ATCAY: variants seen among roughly 807,000 people sequenced by gnomAD.
ATCAY encodes ATCAY kinesin light chain interacting caytaxin.
Under a neutral mutation model 47.7 loss-of-function variants are expected in ATCAY, and 22 were observed. The observed-to-expected ratio is 0.46, with a 90% CI of 0.33 to 0.66. The LOEUF (loss-of-function observed/expected upper bound fraction) is 0.66, where lower values mean the gene tolerates loss of function less well. Ranked by LOEUF, ATCAY falls within the 30% of genes least tolerant of loss-of-function variation. The pLI, the probability that ATCAY is intolerant of heterozygous loss-of-function variation, is 0.02. For synonymous variants in ATCAY, 216 were observed against 207.6 expected, an observed-to-expected ratio of 1.04 and a Z score of -0.35; for missense variants, 452 against 515.0, an observed-to-expected ratio of 0.88 and a Z score of 1.18.
chr19:3,919,730 G>T (rs2038999876), intron 11 of ATCAY, among the ~76,000 whole-genome samples: 1 of 150,294 alleles, frequency 6.7e-6, no homozygotes, highest in African/African-American at 2.5e-5. Context: ...CTCCAGCCTG[G>T]GCAACAGAGC....
In ATCAY at chr19:3,908,398, T is replaced by G. The variant is rs972564537; in HGVS notation, c.647+28T>G. ...GAGTCCCCGCCCGCGGCGAGCAGCC[T>G]CGGGCCAGCTCTGATGCCTCCCTGG... On this transcript the variant is annotated intron_variant, in intron 6 of 12. Transcript: ENST00000450849. 3 of 1,535,578 alleles carry G rather than the reference T, an allele frequency of 2.0e-6. No individual in the cohort carries two copies. The Admixed American group carries it at 5.8e-5, about 30-fold the overall frequency.
At chr19:3,893,998 C>G (rs1225214444) in intron 2 of ATCAY, among the ~76,000 whole-genome samples, 2 of 152,126 alleles carry the variant, frequency 1.3e-5, no homozygotes, top group Non-Finnish European at 2.9e-5. Context: ...TGCCTTCCAT[C>G]TGGAGTGCTC....
At chr19:3,910,324 A>T (rs1189951095) in intron 7 of ATCAY, among the ~76,000 whole-genome samples, 1 of 152,140 alleles carries the variant, frequency 6.6e-6, no homozygotes, top group Non-Finnish European at 1.5e-5. Context: ...CTGTATGGAC[A>T]TACCACATTT....
intron 2 of ATCAY, among the ~76,000 whole-genome samples, chr19:3,894,975 G>A (rs1160017589): frequency 2.9e-5 from 4 of 136,720 alleles, no homozygotes; most frequent in African/African-American, 1.1e-4. Context: ...AAAAAAAGCT[G>A]CCTCCTCAAT....
Position 3,893,109 on chromosome 19 carries a change from AT to A in ATCAY, c.77+7266del, listed in dbSNP as rs200696322. On this transcript the variant is annotated intron_variant, in intron 2 of 12. Coordinates refer to ENST00000450849, the MANE Select transcript of ATCAY (RefSeq NM_033064.5). ...AACTTATCTCTTTTAGGGGAACACG[AT>A]CCAACCCACCTCAGCAGGACGAAGC... is the stretch of plus-strand genomic sequence containing the variant. 3.0e-3 allele frequency among the ~76,000 whole-genome samples: 446 copies of A among 150,940 alleles called. 5 individuals carry two copies. Among genetic ancestry groups the A allele is most frequent in the African/African-American group, 0.01 (413 of 40,998 alleles).
At chr19:3,906,340 T>C (rs2038860962) in intron 4 of ATCAY, among the ~76,000 whole-genome samples, 1 of 149,762 alleles carries the variant, frequency 6.7e-6, no homozygotes, top group Non-Finnish European at 1.5e-5. Context: ...TCTCACTCTG[T>C]TGCCCAGGCT....
In ATCAY at chr19:3,925,670, G is replaced by C. The variant is rs1199649063; in HGVS notation, c.*1078G>C. 6.6e-6 allele frequency: 1 copy of C among 152,216 alleles called. No homozygotes were observed. The highest frequency in any genetic ancestry group is 2.4e-5 in the African/African-American group (1 of 41,446). 9.4% of individuals were successfully genotyped at this position (152,216 alleles called of 1,614,324 possible). A position where few individuals can be genotyped will look rare whatever the true frequency, so the allele number is the denominator to read the frequency against. ...TGGTCCAAATGCGGATCACTGGTCA[G>C]ATGGACTCTAGAAGCACTGAGCTCC... On this transcript the variant is annotated 3_prime_UTR_variant, in exon 13 of 13. Transcript: ENST00000450849. This position sits in a 1 kb window ranked among gnomAD's most constrained non-coding sequence, Gnocchi z 4.4.
At chr19:3,917,515 G>C (rs1342286013) in intron 9 of ATCAY, among the ~76,000 whole-genome samples, 1 of 147,948 alleles carries the variant, frequency 6.8e-6, no homozygotes, top group Non-Finnish European at 1.5e-5. Flanking sequence ...AACCGGGGAG[G>C]TGGAGGTTGC....
rs750121820 is a variant in ATCAY, at chr19:3,909,480, G to C, written c.648-6G>C. 6 of 1,612,266 alleles carry C rather than the reference G, an allele frequency of 3.7e-6. No individual in the cohort carries two copies. The Admixed American group carries it at 8.3e-5, about 22-fold the overall frequency. On this transcript the variant is annotated splice_region_variant and splice_polypyrimidine_tract_variant and intron_variant, in intron 6 of 12. Transcript: ENST00000450849. Reference sequence around the variant, plus strand: ...TGGGTCCCTGCCTTCTGTGCCCCGTGAGCAGGTACGTCATCAGCAGCTTAG... The same window carrying C: ...TGGGTCCCTGCCTTCTGTGCCCCGTCAGCAGGTACGTCATCAGCAGCTTAG...
intron 3 of ATCAY, among the ~76,000 whole-genome samples, chr19:3,903,354 G>A (rs1286119935): frequency 1.3e-5 from 2 of 152,086 alleles, no homozygotes; most frequent in Middle Eastern, 3.2e-3. Flanking sequence ...AGTCCTGGGC[G>A]GCCAGAGGAG....
At chr19:3,905,944 G>A (rs34328206) in intron 4 of ATCAY, among the ~76,000 whole-genome samples, 14,096 of 151,914 alleles carry the variant, frequency 0.093, 754 homozygotes, top group Non-Finnish European at 0.1. Context: ...AGGCCGAGGC[G>A]GGCAGATCAC....
chr19:3,889,337 C>T lies in ATCAY; in HGVS notation c.77+3493C>T, dbSNP rs371871705. Among the ~76,000 whole-genome samples the T allele has an allele frequency of 1.5e-4, 23 of 152,236 alleles. No homozygotes were observed. The East Asian group carries it at 3.1e-3, about 20-fold the overall frequency. On this transcript the variant is annotated intron_variant, in intron 2 of 12. Transcript: ENST00000450849. ...CTGAGGAAGGAGAATCGCTTGAACG[C>T]GGGAGGCGGAGGTTGCAGTGAGCCA...
intron 2 of ATCAY, among the ~76,000 whole-genome samples, chr19:3,899,898 G>T (rs544437613): frequency 1.3e-5 from 2 of 152,074 alleles, no homozygotes; most frequent in Non-Finnish European, 2.9e-5. Flanking sequence ...GGCCGGGTGC[G>T]GTGGCTCATG....
In ATCAY at chr19:3,908,208, G is replaced by A. The variant is rs955790677; in HGVS notation, c.545-60G>A. ...CACCGGGACGTGGTGGGTGGTGCGCGGGAGGCAGCTCAGGGCTGGGAGAGG... is the reference window on the plus strand; with the variant it reads ...CACCGGGACGTGGTGGGTGGTGCGCAGGAGGCAGCTCAGGGCTGGGAGAGG... On this transcript the variant is annotated intron_variant, in intron 5 of 12. Coordinates refer to ENST00000450849, the MANE Select transcript of ATCAY (RefSeq NM_033064.5). 267 of 1,436,568 alleles carry A rather than the reference G, an allele frequency of 1.9e-4. 1 individual carries two copies. Among genetic ancestry groups the A allele is most frequent in the African/African-American group, 5.8e-4 (41 of 70,728 alleles). The allele number at this position is 1,436,568 out of a possible 1,614,324, so 89.0% of individuals were successfully genotyped here. A position where few individuals can be genotyped will look rare whatever the true frequency, so the allele number is the denominator to read the frequency against.
At chr19:3,902,382 T>G (rs1334382332) in intron 2 of ATCAY, 105 bp from the exon 3 acceptor site, 1 of 1,057,458 alleles carries the variant, frequency 9.5e-7, no homozygotes, top group African/African-American at 1.6e-5. Context: ...TTTGCTTTTG[T>G]TCTTGTCTGA....
At chr19:3,881,867 C>A (rs10413536) in intron 1 of ATCAY, among the ~76,000 whole-genome samples, 13 of 109,474 alleles carry the variant, frequency 1.2e-4, no homozygotes, top group Admixed American at 9.1e-4. Context: ...GCTGCCACCG[C>A]CCCCCCCCCG....
intron 2 of ATCAY, among the ~76,000 whole-genome samples, chr19:3,897,288 A>AATATATATCTATATCTAT (rs2038778131): frequency 7.0e-6 from 1 of 143,548 alleles, no homozygotes; most frequent in African/African-American, 2.6e-5. Flanking sequence ...TATATAGCAA[A>AATATATATCTATATCTAT]ATCTATATCT....
rs772348771 is a variant in ATCAY, at chr19:3,907,984, G to T, written c.544+65G>T. On this transcript the variant is annotated intron_variant, in intron 5 of 12. Coordinates refer to ENST00000450849, the MANE Select transcript of ATCAY (RefSeq NM_033064.5). This position sits in a 1 kb window ranked among gnomAD's most constrained non-coding sequence, Gnocchi z 5.1. Reference sequence around the variant, plus strand: ...CGGCCCACTGGGCAACAGGGGGTTCGTCAGTGCCCCTCTCTGATGCACGGG... The same window carrying T: ...CGGCCCACTGGGCAACAGGGGGTTCTTCAGTGCCCCTCTCTGATGCACGGG... 2.0e-5 allele frequency: 31 copies of T among 1,547,390 alleles called. No homozygotes were observed. Among genetic ancestry groups the T allele is most frequent in the Non-Finnish European group, 2.7e-5 (31 of 1,136,332 alleles).
At chr19:3,883,975 C>T (rs1186027975) in intron 1 of ATCAY, among the ~76,000 whole-genome samples, 1 of 152,014 alleles carries the variant, frequency 6.6e-6, no homozygotes, top group East Asian at 1.9e-4. Context: ...TGCCCCTGCC[C>T]CCAGTGAGCT....
Sources: gnomAD v4.1 joint callset for allele counts (sites outside exome capture counted in the v4.1 genomes callset) on GRCh38, gnomAD v4.1.1 for gene constraint, Gnocchi (gnomAD v3.1) non-coding constraint, MANE v1.5 for transcripts, NCBI Gene and HGNC (gene_info 2026-07-23, HGNC 2026-07-21) for gene names.